C8orf34: variants seen among roughly 807,000 people sequenced by gnomAD.
C8orf34 encodes the protein chromosome 8 open reading frame 34.
In C8orf34, 65 loss-of-function variants were observed where a neutral mutation model predicts 68.3. The observed-to-expected ratio is 0.95, with a 90% confidence interval of 0.78 to 1.17. The LOEUF (loss-of-function observed/expected upper bound fraction) is 1.17, where lower values mean the gene tolerates loss of function less well. C8orf34 is among the 50% of genes most tolerant of loss of function. The pLI, the probability that C8orf34 is intolerant of heterozygous loss-of-function variation, is 0.00. For missense variants in C8orf34, 664 were observed against 655.4 expected, an observed-to-expected ratio of 1.01 and a Z score of -0.14; for synonymous variants, 244 against 241.2, an observed-to-expected ratio of 1.01 and a Z score of -0.11.
At chr8:68,432,097 T>A (rs1810474855) in intron 1 of C8orf34, among the ~76,000 whole-genome samples, 1 of 152,046 alleles carries the variant, frequency 6.6e-6, no homozygotes, top group Admixed American at 6.6e-5. Flanking sequence ...TGGCTATGAC[T>A]GTGTGCATTG....
At chr8:68,370,741 T>C (rs1244747642) in intron 1 of C8orf34, among the ~76,000 whole-genome samples, 2 of 152,204 alleles carry the variant, frequency 1.3e-5, no homozygotes, top group African/African-American at 2.4e-5. Flanking sequence ...TGTTAGTACC[T>C]GAGAGCTAAC....
intron 1 of C8orf34, among the ~76,000 whole-genome samples, chr8:68,337,833 G>A (rs1805914492): frequency 6.6e-6 from 1 of 152,136 alleles, no homozygotes; most frequent in Non-Finnish European, 1.5e-5. Context: ...GGTTAACTAA[G>A]CATATGCATT....
chr8:68,798,611 C>T (rs1466575640), intron 12 of C8orf34, among the ~76,000 whole-genome samples: 1 of 152,130 alleles, frequency 6.6e-6, no homozygotes, highest in Non-Finnish European at 1.5e-5. Context: ...AAAACAATTA[C>T]TGTCAATTAT....
At chr8:68,743,314 A>G (rs1207931562) in intron 10 of C8orf34, among the ~76,000 whole-genome samples, 2 of 152,196 alleles carry the variant, frequency 1.3e-5, no homozygotes, top group African/African-American at 2.4e-5. Flanking sequence ...TGCTTTTACA[A>G]CTTTGTTGAG....
chr8:68,562,337 T>TGGGAAACTC (rs1355104940), intron 7 of C8orf34, among the ~76,000 whole-genome samples: 58 of 152,210 alleles, frequency 3.8e-4, no homozygotes. Context: ...ATCTGATACT[T>TGGGAAACTC]GGGAAACTCA....
At chr8:68,536,255 C>T (rs1309445676) in intron 7 of C8orf34, among the ~76,000 whole-genome samples, 1 of 148,310 alleles carries the variant, frequency 6.7e-6, no homozygotes. Flanking sequence ...GTTGCATGCA[C>T]CTATAGTCCC....
intron 1 of C8orf34, among the ~76,000 whole-genome samples, chr8:68,381,548 A>G (rs908618392): frequency 6.6e-6 from 1 of 150,720 alleles, no homozygotes; most frequent in Non-Finnish European, 1.5e-5. Context: ...CTGGCTAACA[A>G]GGTGAAACCC....
At chr8:68,546,189 A>G (rs886996735) in intron 7 of C8orf34, among the ~76,000 whole-genome samples, 3 of 152,062 alleles carry the variant, frequency 2.0e-5, no homozygotes, top group African/African-American at 7.2e-5. Context: ...GCAAATAGAA[A>G]ATAGCAGAAT....
At chr8:68,567,844 T>A (rs1402509976) in intron 7 of C8orf34, among the ~76,000 whole-genome samples, 1 of 152,032 alleles carries the variant, frequency 6.6e-6, no homozygotes, top group Non-Finnish European at 1.5e-5. Flanking sequence ...GGCTAACTGG[T>A]GAAGAGGCCT....
At chr8:68,510,497 G>A (rs190290891) in intron 5 of C8orf34, among the ~76,000 whole-genome samples, 33 of 152,288 alleles carry the variant, frequency 2.2e-4, no homozygotes, top group Admixed American at 1.6e-3. Flanking sequence ...GAGATTGCTG[G>A]TTGGTTCACA....
At chr8:68,783,250 A>C (rs1823735088) in intron 11 of C8orf34, among the ~76,000 whole-genome samples, 1 of 151,704 alleles carries the variant, frequency 6.6e-6, no homozygotes, top group African/African-American at 2.4e-5. Flanking sequence ...ACTGAAATAG[A>C]GGCGCACGCC....
intron 1 of C8orf34, among the ~76,000 whole-genome samples, chr8:68,343,761 T>C (rs1160094070): frequency 1.3e-5 from 2 of 152,066 alleles, no homozygotes; most frequent in African/African-American, 4.8e-5. Flanking sequence ...GCCCAGCTAA[T>C]TTTTGTATTT....
chr8:68,565,167 G>A (rs1259901941), intron 7 of C8orf34, among the ~76,000 whole-genome samples: 1 of 151,890 alleles, frequency 6.6e-6, no homozygotes, highest in Non-Finnish European at 1.5e-5. Context: ...TTTCTACTTC[G>A]TTCTTTTTTG....
At chr8:68,665,236 G>A (rs1819802788) in intron 8 of C8orf34, among the ~76,000 whole-genome samples, 1 of 152,110 alleles carries the variant, frequency 6.6e-6, no homozygotes, top group African/African-American at 2.4e-5. Flanking sequence ...AAATACAGAT[G>A]GAAATATTGG....
chr8:68,397,378 T>A (rs899089709), intron 1 of C8orf34, among the ~76,000 whole-genome samples: 1 of 152,250 alleles, frequency 6.6e-6, no homozygotes, highest in African/African-American at 2.4e-5. Flanking sequence ...CTAAACGCTA[T>A]CCTAACTAGG....
chr8:68,703,728 C>A (rs1014257731), intron 8 of C8orf34, among the ~76,000 whole-genome samples: 6 of 152,106 alleles, frequency 3.9e-5, no homozygotes, highest in Non-Finnish European at 8.8e-5. Flanking sequence ...TGGGGTTGAG[C>A]AACAGCCACC....
chr8:68,627,555 T>G (rs964758357), intron 7 of C8orf34, among the ~76,000 whole-genome samples: 3 of 152,164 alleles, frequency 2.0e-5, no homozygotes, highest in African/African-American at 7.2e-5. Context: ...GGAAACAAAG[T>G]GTATGCAATA....
At chr8:68,712,165 C>T (rs1201230016) in intron 9 of C8orf34, among the ~76,000 whole-genome samples, 1 of 152,136 alleles carries the variant, frequency 6.6e-6, no homozygotes, top group Non-Finnish European at 1.5e-5. Context: ...CAAGTCAGCA[C>T]TACAAGAATT....
At chr8:68,650,001 C>T (rs1250345100) in intron 8 of C8orf34, among the ~76,000 whole-genome samples, 1 of 150,982 alleles carries the variant, frequency 6.6e-6, no homozygotes, top group African/African-American at 2.4e-5. Flanking sequence ...TGGCGATATA[C>T]ATCTCAAAAG....
Sources: allele counts gnomAD v4.1 joint callset (sites outside exome capture counted in the v4.1 genomes callset), GRCh38; gene constraint gnomAD v4.1.1; transcripts MANE v1.5; gene names NCBI Gene and HGNC (gene_info 2026-07-23, HGNC 2026-07-21).